RHOT1: variants seen among roughly 807,000 people sequenced by gnomAD.
RHOT1 encodes the protein mitochondrial Rho GTPase 1.
A neutral mutation model predicts 95.3 loss-of-function variants in RHOT1; 27 were observed. The observed-to-expected ratio is 0.28, with a 90% CI of 0.21 to 0.39. The LOEUF (loss-of-function observed/expected upper bound fraction) is 0.39. RHOT1 is among the 10% of genes least tolerant of loss of function. The pLI, the probability that RHOT1 is intolerant of heterozygous loss-of-function variation, is 1.00. For missense variants in RHOT1, 578 were observed against 786.7 expected (o/e 0.73, Z 3.17); for synonymous variants, 227 against 263.5 (o/e 0.86, Z 1.34).
At position 32,143,966 on chromosome 17, in the gene RHOT1, T is replaced by C. The variant is rs575649152; in HGVS notation, c.37+1237T>C. On this transcript the variant is annotated intron_variant, in intron 1 of 19. Transcript: ENST00000545287. ...GTTTGGAGAAATCTTCCTTTAGAAT[T>C]AGAATTTAGGAGTAAGCTTAGCCAG... Among the ~76,000 whole-genome samples the C allele has an allele frequency of 2.6e-5, 4 of 152,334 alleles. No individual in the cohort carries two copies. In the South Asian group the frequency reaches 6.2e-4, roughly 24 times the overall value.
At chr17:32,166,187 C>CAAAA (rs200254466) in intron 1 of RHOT1, among the ~76,000 whole-genome samples, 1,353 of 106,502 alleles carry the variant, frequency 0.013, 23 homozygotes, top group African/African-American at 0.044. Context: ...GACTCTATCT[C>CAAAA]AAAAAAAAAA....
chr17:32,183,677 G>A (rs1219530895), intron 8 of RHOT1, among the ~76,000 whole-genome samples: 1 of 152,048 alleles, frequency 6.6e-6, no homozygotes, highest in Non-Finnish European at 1.5e-5. Flanking sequence ...TACTACTTTT[G>A]TTTTTGTTTT....
At chr17:32,214,084 A>G (rs9908059) in intron 19 of RHOT1, among the ~76,000 whole-genome samples, 5,298 of 152,250 alleles carry the variant, frequency 0.035, 308 homozygotes, top group African/African-American at 0.12. Flanking sequence ...TATTTCAATC[A>G]TTTATTTAAG....
chr17:32,152,970 T>G (rs2032506659), intron 1 of RHOT1, among the ~76,000 whole-genome samples: 1 of 152,136 alleles, frequency 6.6e-6, no homozygotes, highest in East Asian at 1.9e-4. Flanking sequence ...CCTGGCTAAT[T>G]TTTAAATTTT....
chr17:32,185,024 A>G (rs1177743998), intron 8 of RHOT1, among the ~76,000 whole-genome samples: 4 of 152,178 alleles, frequency 2.6e-5, no homozygotes, highest in Admixed American at 1.3e-4. Flanking sequence ...GGCTCAAGCA[A>G]TCATCCCACC....
rs566152358 is a variant in RHOT1 at position 32,194,055 on chromosome 17, C to T, written c.817C>T (p.Arg273Ter). 2.5e-6 allele frequency: 4 copies of T among 1,614,108 alleles called. No homozygotes were observed. The highest frequency in any genetic ancestry group is 1.3e-5 in the African/African-American group (1 of 75,042). ...RHETTWTVLR[R>*]FGYDDDLDLT... ...CGAAACTACTTGGACTGTGCTTCGA[C>T]GATTTGGTTATGATGATGACCTGGA... Residue 273 changes from arginine to a stop codon, truncating the protein, a stop_gained, in exon 11 of 20, where the codon CGA becomes TGA. Transcript: ENST00000545287. LOFTEE classifies it high-confidence loss of function.
At chr17:32,167,270 C>T (rs1448698832) in intron 1 of RHOT1, among the ~76,000 whole-genome samples, 1 of 151,714 alleles carries the variant, frequency 6.6e-6, no homozygotes, top group Non-Finnish European at 1.5e-5. Flanking sequence ...AACAAATGTG[C>T]TGTCATCCAG....
Position 32,181,097 on chromosome 17 carries a change from T to C in RHOT1, c.330-1660T>C, listed in dbSNP as rs191580321. ...GCATAATGGCACACCAAGGGTTAGG[T>C]AAGCTAAATGCTTTCAAGTGCTTCT... On this transcript the variant is annotated intron_variant, in intron 6 of 19. Transcript: ENST00000545287. Among the ~76,000 whole-genome samples, 5 of 152,316 alleles carry C rather than the reference T, an allele frequency of 3.3e-5. No individual in the cohort carries two copies. In the South Asian group the frequency reaches 8.3e-4, roughly 25 times the overall value.
At chr17:32,157,509 A>G (rs1338105107) in intron 1 of RHOT1, among the ~76,000 whole-genome samples, 1 of 152,224 alleles carries the variant, frequency 6.6e-6, no homozygotes. Flanking sequence ...CAAATGAATC[A>G]GAGTTAAGAA....
intron 1 of RHOT1, among the ~76,000 whole-genome samples, chr17:32,144,764 A>T (rs1277798139): frequency 6.7e-6 from 1 of 149,172 alleles, no homozygotes; most frequent in East Asian, 2.1e-4. Context: ...AGGCAGGAGG[A>T]TTGCTTGAAC....
At position 32,157,826 on chromosome 17, in the gene RHOT1, GA is replaced by G. The variant is rs967633636; in HGVS notation, c.38-13205del. On this transcript the variant is annotated intron_variant, in intron 1 of 19. Coordinates refer to ENST00000545287, the MANE Select transcript of RHOT1 (RefSeq NM_001033566.3). ...TCCCCCGCTCCCACCCCGCCGCCCA[GA>G]AAAAAAAAAAAGAATACGTGTGTCT... Among the ~76,000 whole-genome samples, 792 of 140,324 alleles carry G rather than the reference GA, an allele frequency of 5.6e-3. 2 individuals carry two copies. The highest frequency in any genetic ancestry group is 5.8e-3 in the Admixed American group (81 of 14,008). The allele number at this position is 140,324 out of a possible 152,430, so 92.1% of individuals were successfully genotyped here.
intron 8 of RHOT1, among the ~76,000 whole-genome samples, chr17:32,191,017 A>G (rs769348802): frequency 6.6e-6 from 1 of 152,066 alleles, no homozygotes; most frequent in Non-Finnish European, 1.5e-5. Flanking sequence ...CTGGTCTCGA[A>G]CTCTTGATCT....
rs1247505261 is a variant in RHOT1 at position 32,196,862 on chromosome 17, G to A, written c.870-2085G>A. Among the ~76,000 whole-genome samples the A allele has an allele frequency of 3.9e-5, 6 of 152,090 alleles. No homozygotes were observed. The East Asian group carries it at 5.8e-4, about 15-fold the overall frequency. On this transcript the variant is annotated intron_variant, in intron 11 of 19. Transcript: ENST00000545287. ...TTGGGGGCCGGGTGTGGTGGCTCAC[G>A]CCTGTAATCCCAGCACTTTGGGAGG...
At chr17:32,218,096 C>A (rs895930529) in intron 19 of RHOT1, among the ~76,000 whole-genome samples, 7 of 151,964 alleles carry the variant, frequency 4.6e-5, no homozygotes, top group African/African-American at 1.7e-4. Flanking sequence ...CTCCTAACCT[C>A]ATGTGATCTG....
chr17:32,164,996 T>G (rs2033914477), intron 1 of RHOT1, among the ~76,000 whole-genome samples: 1 of 151,326 alleles, frequency 6.6e-6, no homozygotes, highest in Non-Finnish European at 1.5e-5. Context: ...CCCTCTCTAC[T>G]AACAACAACA....
chr17:32,172,073 G>T (rs926754448), intron 2 of RHOT1, among the ~76,000 whole-genome samples: 1 of 152,160 alleles, frequency 6.6e-6, no homozygotes, highest in Non-Finnish European at 1.5e-5. Flanking sequence ...TGCATAGTAG[G>T]TATCATTAGT....
rs1349026180 is a variant in RHOT1, at chr17:32,151,934, A to ATTC, written c.37+9206_37+9208dup. ...ACTCTTGGATTTTAATGTGGAAGAG[A>ATTC]TTCACGTTCTTTGATTTTTAGAAGA... On this transcript the variant is annotated intron_variant, in intron 1 of 19. Transcript: ENST00000545287. Among the ~76,000 whole-genome samples the ATTC allele has an allele frequency of 2.0e-5, 3 of 151,742 alleles. 1 individual carries two copies. Among genetic ancestry groups the ATTC allele is most frequent in the Middle Eastern group, 6.3e-3 (2 of 316 alleles).
At chr17:32,179,104 T>A in intron 6 of RHOT1, 1 of 114,376 alleles carries the variant, frequency 8.7e-6, no homozygotes, top group African/African-American at 3.5e-5. Context: ...TCTACTTGGC[T>A]GCCCCGTCTG....
chr17:32,185,650 C>T (rs1233265722), intron 8 of RHOT1, among the ~76,000 whole-genome samples: 1 of 151,832 alleles, frequency 6.6e-6, no homozygotes, highest in Non-Finnish European at 1.5e-5. Context: ...TCAAGCAATG[C>T]ACCCGCCTTG....
Sources: allele counts gnomAD v4.1 joint callset (sites outside exome capture counted in the v4.1 genomes callset), GRCh38; gene constraint gnomAD v4.1.1; transcripts MANE v1.5; gene names NCBI Gene and HGNC (gene_info 2026-07-23, HGNC 2026-07-21).